The following EBF3 variants were observed in gnomAD, a reference collection of about 807,000 sequenced individuals.
The protein encoded by EBF3 is EBF transcription factor 3.
In EBF3, 18 loss-of-function variants were observed where a neutral mutation model predicts 77.1. The observed-to-expected ratio is 0.23, with a 90% CI of 0.16 to 0.35. The LOEUF is 0.35. EBF3 is among the 10% of genes least tolerant of loss of function. The pLI is 1.00. For synonymous variants in EBF3, 350 were observed against 343.5 expected, an observed-to-expected ratio of 1.02 and a Z score of -0.21; for missense variants, 558 against 860.0, an observed-to-expected ratio of 0.65 and a Z score of 4.39.
rs1052821864 is a variant in EBF3, at chr10:129,943,847, A to G, written c.554+13411T>C. Among the ~76,000 whole-genome samples, 2 of 152,190 alleles carry G rather than the reference A, an allele frequency of 1.3e-5. No individual in the cohort carries two copies. Among genetic ancestry groups the G allele is most frequent in the Non-Finnish European group, 2.9e-5 (2 of 68,034 alleles). ...TTTCTGTGCTGAGCTCTCTGGAACC[A>G]TATGTTCAGCAACGTTATGGAGGGC... On this transcript the variant is annotated intron_variant, in intron 6 of 16. Coordinates refer to ENST00000440978, the MANE Select transcript of EBF3 (RefSeq NM_001375380.1). The surrounding 1 kb of genome is among the most constrained non-coding windows in gnomAD (Gnocchi z 8.8).
intron 6 of EBF3, among the ~76,000 whole-genome samples, chr10:129,918,253 T>C (rs1399283894): frequency 1.3e-5 from 2 of 152,246 alleles, no homozygotes; most frequent in Non-Finnish European, 1.5e-5. Context: ...AGTTCCTCAA[T>C]GACCTAAGCG....
At chr10:129,849,511 C>A (rs975030759) in intron 10 of EBF3, among the ~76,000 whole-genome samples, 7 of 152,200 alleles carry the variant, frequency 4.6e-5, no homozygotes, top group Middle Eastern at 3.2e-3. Context: ...GGGGCGGACA[C>A]AAAGACTGCG....
intron 8 of EBF3, among the ~76,000 whole-genome samples, chr10:129,869,868 G>A (rs1158603164): frequency 3.3e-5 from 5 of 152,120 alleles, no homozygotes; most frequent in African/African-American, 9.7e-5. Context: ...TGAGGCTTCC[G>A]AATGACATTT....
rs979559305 is a variant in EBF3 at position 129,921,570 on chromosome 10, G to A, written c.554+35688C>T. Among the ~76,000 whole-genome samples, 5 of 152,340 alleles carry A rather than the reference G, an allele frequency of 3.3e-5. 1 individual carries two copies. The South Asian group carries it at 1.0e-3, about 32-fold the overall frequency. On this transcript the variant is annotated intron_variant, in intron 6 of 16. Coordinates refer to ENST00000440978, the MANE Select transcript of EBF3 (RefSeq NM_001375380.1). ...AGCCTCCACTAGGCCACCGGCTCCTGTTTCAAAGGTCTCTGTGTCCATGCC... is the reference window on the plus strand; with the variant it reads ...AGCCTCCACTAGGCCACCGGCTCCTATTTCAAAGGTCTCTGTGTCCATGCC...
intron 6 of EBF3, among the ~76,000 whole-genome samples, chr10:129,903,354 T>C (rs1854919861): frequency 1.3e-5 from 2 of 152,238 alleles, no homozygotes; most frequent in Admixed American, 1.3e-4. Flanking sequence ...GCTTCCCTTG[T>C]AAGGAATGAC....
Position 129,912,293 on chromosome 10 carries a change from C to T in EBF3, c.555-34444G>A, listed in dbSNP as rs74930023. On this transcript the variant is annotated intron_variant, in intron 6 of 16. Transcript: ENST00000440978. ...ACTATCAACAGTGTGGAATTTACAC[C>T]GGGCCTTTACATCCTTACCAGGCGC... 5.8e-3 allele frequency among the ~76,000 whole-genome samples: 889 copies of T among 152,284 alleles called. 10 individuals are homozygous for T. The highest frequency in any genetic ancestry group is 0.02 in the African/African-American group (823 of 41,548).
chr10:129,920,483 C>T (rs570165644), intron 6 of EBF3, among the ~76,000 whole-genome samples: 9 of 152,296 alleles, frequency 5.9e-5, no homozygotes, highest in East Asian at 3.9e-4. Context: ...ATACCTGGAG[C>T]GACTCTGGGT....
At chr10:129,921,841 C>T (rs1221200567) in intron 6 of EBF3, among the ~76,000 whole-genome samples, 1 of 152,184 alleles carries the variant, frequency 6.6e-6, no homozygotes, top group Non-Finnish European at 1.5e-5. Flanking sequence ...ACGAAGGCCG[C>T]CCTGTCCTCC....
rs905803031 is a variant in EBF3, at chr10:129,841,161, C to T, written c.1373-129G>A. 1.5e-5 allele frequency: 19 copies of T among 1,244,728 alleles called. 2 individuals carry two copies. Among genetic ancestry groups the T allele is most frequent in the South Asian group, 1.4e-4 (9 of 65,342 alleles). The allele number at this position is 1,244,728 out of a possible 1,614,324, so 77.1% of individuals were successfully genotyped here. On this transcript the variant is annotated intron_variant, in intron 13 of 16. Transcript: ENST00000440978. The surrounding 1 kb of genome is among the most constrained non-coding windows in gnomAD (Gnocchi z 4.6). ...ACCCTGTGCTTTCCACCTGCTCTAG[C>T]GCCTGCTGCCAGCTCGGATGACCTT...
chr10:129,954,273 A>T lies in EBF3; in HGVS notation c.554+2985T>A, dbSNP rs1342498957. Among the ~76,000 whole-genome samples the T allele has an allele frequency of 5.9e-3, 905 of 152,250 alleles. 11 individuals are homozygous for T. The highest frequency in any genetic ancestry group is 0.021 in the African/African-American group (861 of 41,536). ...CTCCGTAAGTTGTTATATTATTTTA[A>T]ATATACTGCATATAGTTATAACCAT... On this transcript the variant is annotated intron_variant, in intron 6 of 16. Coordinates refer to ENST00000440978, the MANE Select transcript of EBF3 (RefSeq NM_001375380.1).
At position 129,842,096 on chromosome 10, in the gene EBF3, C is replaced by A; in HGVS notation, c.1372+20G>T. 6.2e-7 allele frequency: 1 copy of A among 1,614,060 alleles called. No homozygotes were observed. The highest frequency in any genetic ancestry group is 1.1e-5 in the South Asian group (1 of 91,074). On this transcript the variant is annotated intron_variant, in intron 13 of 16. Coordinates refer to ENST00000440978, the MANE Select transcript of EBF3 (RefSeq NM_001375380.1). This position sits in a 1 kb window ranked among gnomAD's most constrained non-coding sequence, Gnocchi z 4.4. ...TCGGAGGGCGTTCAGGGCAGGGGTC[C>A]TCCCAGCATGCTGGCATACCTTGGT...
intron 6 of EBF3, among the ~76,000 whole-genome samples, chr10:129,911,632 G>A (rs1476783772): frequency 3.3e-5 from 5 of 152,176 alleles, no homozygotes; most frequent in African/African-American, 4.8e-5. Flanking sequence ...GGGTGAGGAG[G>A]GGCTGGGGGC....
At chr10:129,919,670 AG>A (rs1365806481) in intron 6 of EBF3, among the ~76,000 whole-genome samples, 3 of 152,194 alleles carry the variant, frequency 2.0e-5, no homozygotes, top group African/African-American at 7.2e-5. Flanking sequence ...TGACTGCTGC[AG>A]GGGGCAAGGA....
chr10:129,916,754 C>G (rs952533359), intron 6 of EBF3, among the ~76,000 whole-genome samples: 1 of 152,180 alleles, frequency 6.6e-6, no homozygotes, highest in Non-Finnish European at 1.5e-5. Context: ...CCTGACCTCT[C>G]AGGGCTCCGG....
At chr10:129,953,705 C>G (rs548389111) in intron 6 of EBF3, among the ~76,000 whole-genome samples, 2 of 152,338 alleles carry the variant, frequency 1.3e-5, no homozygotes, top group African/African-American at 4.8e-5. Context: ...ACCACCCCTA[C>G]AGTTGGCCTC....
At chr10:129,916,971 G>T (rs932524158) in intron 6 of EBF3, among the ~76,000 whole-genome samples, 1 of 152,226 alleles carries the variant, frequency 6.6e-6, no homozygotes, top group Non-Finnish European at 1.5e-5. Flanking sequence ...AGCAGGAAAA[G>T]AAATCTAGAA....
In EBF3 at chr10:129,841,088, G is replaced by A; in HGVS notation, c.1373-56C>T. The A allele has an allele frequency of 1.9e-6, 3 of 1,555,386 alleles. No individual in the cohort carries two copies. The highest frequency in any genetic ancestry group is 8.7e-7 in the Non-Finnish European group (1 of 1,145,010). On this transcript the variant is annotated intron_variant, in intron 13 of 16. Transcript: ENST00000440978. The surrounding 1 kb of genome is among the most constrained non-coding windows in gnomAD (Gnocchi z 4.6). ...ACATTATTATCAGCGACAGACACTTGGGGGGGGTTCCCCGAGAATCTATAT... is the reference window on the plus strand; with the variant it reads ...ACATTATTATCAGCGACAGACACTTAGGGGGGGTTCCCCGAGAATCTATAT...
At position 129,938,127 on chromosome 10, in the gene EBF3, C is replaced by T. The variant is rs1206633643; in HGVS notation, c.554+19131G>A. Among the ~76,000 whole-genome samples the T allele has an allele frequency of 6.6e-6, 1 of 152,206 alleles. No homozygotes were observed. The highest frequency in any genetic ancestry group is 1.5e-5 in the Non-Finnish European group (1 of 68,042). ...CTTCAGCAGCACCTGGCAGGAGACT[C>T]TCTTCTGCTCCTGCTGAGTTTTTGT... On this transcript the variant is annotated intron_variant, in intron 6 of 16. Transcript: ENST00000440978. This position sits in a 1 kb window ranked among gnomAD's most constrained non-coding sequence, Gnocchi z 5.1.
chr10:129,866,567 T>TCC (rs1852025745), intron 10 of EBF3, among the ~76,000 whole-genome samples: 1 of 152,194 alleles, frequency 6.6e-6, no homozygotes, highest in African/African-American at 2.4e-5. Flanking sequence ...CAGGAGTCTG[T>TCC]CCCGCACCCT....
Sources: allele counts gnomAD v4.1 joint callset (sites outside exome capture counted in the v4.1 genomes callset), GRCh38; gene constraint gnomAD v4.1.1; non-coding constraint Gnocchi (gnomAD v3.1); transcripts MANE v1.5; gene names NCBI Gene and HGNC (gene_info 2026-07-23, HGNC 2026-07-21).